CEP83: variants seen among roughly 807,000 people sequenced by gnomAD.
CEP83 encodes centrosomal protein of 83 kDa.
CEP83 carries 70 observed loss-of-function variants against 101.9 expected under a neutral mutation model. That is an observed-to-expected ratio of 0.69 (90% confidence interval 0.57 to 0.84). The LOEUF is 0.84. Among genes scored for constraint, CEP83 ranks in the 40% least tolerant of loss-of-function variants. The probability of loss-of-function intolerance (pLI) is 0.00; values close to 1 mark genes in which losing one functional copy is unlikely to be tolerated. For synonymous variants in CEP83, 264 were observed against 267.9 expected, an observed-to-expected ratio of 0.99 and a Z score of 0.14; for missense variants, 715 against 787.2, an observed-to-expected ratio of 0.91 and a Z score of 1.10.
intron 6 of CEP83, among the ~76,000 whole-genome samples, chr12:94,380,121 A>T (rs1470432479): frequency 6.6e-6 from 1 of 151,934 alleles, no homozygotes; most frequent in Non-Finnish European, 1.5e-5. Flanking sequence ...AACTAAAGAA[A>T]TGCTCCAAAA....
chr12:94,360,997 A>G (rs1479933380), intron 11 of CEP83, among the ~76,000 whole-genome samples: 1 of 152,236 alleles, frequency 6.6e-6, no homozygotes, highest in African/African-American at 2.4e-5. Flanking sequence ...AAGAAAATAC[A>G]TTGGGGAAAG....
chr12:94,334,469 A>G (rs756919158), intron 12 of CEP83, among the ~76,000 whole-genome samples: 1 of 152,168 alleles, frequency 6.6e-6, no homozygotes, highest in Non-Finnish European at 1.5e-5. Flanking sequence ...TATTTTACCA[A>G]TTAGTAAACA....
At chr12:94,357,232 C>T (rs182946328) in intron 11 of CEP83, among the ~76,000 whole-genome samples, 14 of 152,106 alleles carry the variant, frequency 9.2e-5, no homozygotes, top group Admixed American at 7.8e-4. Flanking sequence ...GTGATGGTAT[C>T]GGAGGTAATC....
chr12:94,315,926 C>T (rs1439541228), intron 14 of CEP83, among the ~76,000 whole-genome samples: 1 of 152,036 alleles, frequency 6.6e-6, no homozygotes. Context: ...AGTGTTGATA[C>T]CTGGTAGTTT....
intron 4 of CEP83, among the ~76,000 whole-genome samples, chr12:94,410,826 C>T (rs1344494202): frequency 1.3e-5 from 2 of 152,104 alleles, no homozygotes; most frequent in Admixed American, 1.3e-4. Flanking sequence ...AGTGGAGGCT[C>T]CAAGCCAGGC....
intron 2 of CEP83, among the ~76,000 whole-genome samples, chr12:94,417,791 AATACATACATACATAC>A (rs58871460): frequency 2.0e-5 from 3 of 151,690 alleles, no homozygotes; most frequent in South Asian, 2.1e-4. Flanking sequence ...CCATCTCAAA[AATACATACATACATAC>A]ATACATACAT....
the CEP83 span, among the ~76,000 whole-genome samples, chr12:94,298,310 C>A: frequency 6.6e-6 from 1 of 152,208 alleles, no homozygotes; most frequent in Non-Finnish European, 1.5e-5. Context: ...AGCCAAATAT[C>A]CATGGCTTCC....
intron 1 of CEP83, among the ~76,000 whole-genome samples, chr12:94,455,975 G>A (rs952173255): frequency 1.1e-4 from 17 of 151,478 alleles, no homozygotes; most frequent in African/African-American, 2.9e-4. Flanking sequence ...GTGAACCCAC[G>A]AGTTCAAGGT....
At chr12:94,424,356 C>T (rs2065020639) in intron 2 of CEP83, 3 of 1,614,044 alleles carry the variant, frequency 1.9e-6, no homozygotes, top group Non-Finnish European at 2.5e-6. Context: ...GCTGGTACTC[C>T]AGGGGGTGTC....
In CEP83 at chr12:94,412,365, ACATC is replaced by A; in HGVS notation, c.122_125del (p.Arg41LeufsTer11). 1 of 1,612,434 alleles carries A rather than the reference ACATC, an allele frequency of 6.2e-7. No homozygotes were observed. Among genetic ancestry groups the A allele is most frequent in the Non-Finnish European group, 8.5e-7 (1 of 1,179,182 alleles). ...TCTGATAATTAGCTTTATGATGCTC[ACATC>A]GTAACCTTTCATCAATTAACATTTT... is the stretch of plus-strand genomic sequence containing the variant. On this transcript the variant is annotated frameshift_variant, in exon 3 of 17. Transcript: ENST00000397809. LOFTEE classifies it high-confidence loss of function.
At chr12:94,414,368 T>C (rs1407061495) in intron 2 of CEP83, among the ~76,000 whole-genome samples, 1 of 152,234 alleles carries the variant, frequency 6.6e-6, no homozygotes, top group African/African-American at 2.4e-5. Flanking sequence ...GTGGCAAACT[T>C]CACTGTTGTC....
At chr12:94,424,067 A>C in intron 2 of CEP83, 1 of 1,611,606 alleles carries the variant, frequency 6.2e-7, no homozygotes, top group Non-Finnish European at 8.5e-7. Context: ...TGGGTTAGGT[A>C]CTTGTAGAGG....
chr12:94,316,826 T>C (rs1369139460), intron 14 of CEP83, among the ~76,000 whole-genome samples: 2 of 152,212 alleles, frequency 1.3e-5, no homozygotes, highest in African/African-American at 2.4e-5. Context: ...CAATCTTCCA[T>C]TGATGGGCAT....
At chr12:94,342,788 A>G (rs2059741902) in intron 11 of CEP83, among the ~76,000 whole-genome samples, 1 of 152,094 alleles carries the variant, frequency 6.6e-6, no homozygotes, top group Non-Finnish European at 1.5e-5. Flanking sequence ...GTCAAGCAAA[A>G]AAAAAAGACA....
chr12:94,312,394 A>G (rs1379728024), intron 15 of CEP83, among the ~76,000 whole-genome samples: 1 of 152,228 alleles, frequency 6.6e-6, no homozygotes, highest in Non-Finnish European at 1.5e-5. Flanking sequence ...ACTAAATTAA[A>G]AAGATTTTTC....
the CEP83 span, among the ~76,000 whole-genome samples, chr12:94,280,441 C>G: frequency 6.6e-6 from 1 of 152,180 alleles, no homozygotes; most frequent in Non-Finnish European, 1.5e-5. Flanking sequence ...TTAAAATCCT[C>G]CCACTCGGCC....
intron 2 of CEP83, among the ~76,000 whole-genome samples, chr12:94,425,314 G>A (rs146903343): frequency 1.4e-4 from 22 of 152,278 alleles, no homozygotes; most frequent in Non-Finnish European, 3.1e-4. Context: ...AGCAGACATT[G>A]CATGGCAGGA....
chr12:94,343,651 G>C, intron 11 of CEP83, among the ~76,000 whole-genome samples: 1 of 149,406 alleles, frequency 6.7e-6, no homozygotes, highest in South Asian at 2.1e-4. Context: ...CACCGCGCCC[G>C]GCTAATTTTT....
chr12:94,311,311 T>C (rs1012035821), intron 15 of CEP83, among the ~76,000 whole-genome samples: 1 of 152,214 alleles, frequency 6.6e-6, no homozygotes, highest in Non-Finnish European at 1.5e-5. Context: ...TAATATCCTT[T>C]CTAGTAAGCT....
Sources: allele counts gnomAD v4.1 joint callset (sites outside exome capture counted in the v4.1 genomes callset), GRCh38; gene constraint gnomAD v4.1.1; transcripts MANE v1.5; gene names NCBI Gene and HGNC (gene_info 2026-07-23, HGNC 2026-07-21).